KIF24: variants seen among roughly 807,000 people sequenced by gnomAD.
KIF24 encodes kinesin family member 24.
In KIF24, 81 loss-of-function variants were observed where a neutral mutation model predicts 118.9. The ratio of observed to expected loss-of-function variants is 0.68; its 90% CI spans 0.57 to 0.82. The LOEUF is 0.82. Ranked by LOEUF, KIF24 falls within the 40% of genes least tolerant of loss-of-function variation. The pLI is 0.00. For missense variants in KIF24, 1,560 were observed against 1,661.6 expected, an observed-to-expected ratio of 0.94 and a Z score of 1.06; for synonymous variants, 599 against 610.0, an observed-to-expected ratio of 0.98 and a Z score of 0.27.
Position 34,310,791 on chromosome 9 carries a change from T to A in KIF24, c.556A>T (p.Ile186Phe), listed in dbSNP as rs780076606. The A allele has an allele frequency of 7.4e-6, 12 of 1,611,580 alleles. No individual in the cohort carries two copies. The highest frequency in any genetic ancestry group is 1.0e-5 in the Non-Finnish European group (12 of 1,177,832). The change falls in exon 2 of 13, where the codon ATT becomes TTT. Residue 186 changes from isoleucine (I) to phenylalanine (F), a missense_variant. By Grantham distance (21) the Ile-to-Phe change is conservative. This residue lies in a region of KIF24 where 964 missense variants were observed against 988.0 expected (regional missense o/e 0.98). Coordinates refer to ENST00000402558, the MANE Select transcript of KIF24 (RefSeq NM_194313.4). The stretch of plus-strand genomic sequence containing the variant: ...TGAGAGATTCTTTGAATAATGGGAA[T>A]ATCACAATCCCCCAGTATTGCAGAA... The part of the protein sequence containing the change: ...YLSAILGDCD[I>F]PIIQRISHVS...
At chr9:34,300,808 G>A (rs1342704805) in intron 3 of KIF24, among the ~76,000 whole-genome samples, 2 of 126,654 alleles carry the variant, frequency 1.6e-5, no homozygotes, top group African/African-American at 6.2e-5. Context: ...AAACCCACTA[G>A]ATCTATAGTT....
rs1335165965 is a variant in KIF24 at position 34,257,678 on chromosome 9, A to C, written c.1929T>G (p.Ile643Met). ...SRGSPSQEWV[I>M]HASPVKGTVR... Reference sequence around the variant, plus strand: ...CAGTTCCTTTCACAGGGCTAGCATGAATGACCCACTCTTGTGAAGGACTCC... The same window carrying C: ...CAGTTCCTTTCACAGGGCTAGCATGCATGACCCACTCTTGTGAAGGACTCC... Residue 643 changes from isoleucine (I) to methionine (M), a missense_variant, in exon 11 of 13, where the codon ATT (isoleucine) becomes ATG (methionine). By Grantham distance (10) the Ile-to-Met change is conservative. Transcript: ENST00000402558. 6.2e-7 allele frequency: 1 copy of C among 1,614,012 alleles called. No individual in the cohort carries two copies. The highest frequency in any genetic ancestry group is 1.1e-5 in the South Asian group (1 of 91,088).
intron 1 of KIF24, among the ~76,000 whole-genome samples, chr9:34,313,731 G>C (rs1385947293): frequency 7.0e-6 from 1 of 142,038 alleles, no homozygotes; most frequent in African/African-American, 2.6e-5. Flanking sequence ...AGCTTCCCCC[G>C]TTATCTGTTT....
In KIF24 at chr9:34,290,506, T is replaced by C. The variant is rs886068272; in HGVS notation, c.912-117A>G. 13 of 609,896 alleles carry C rather than the reference T, an allele frequency of 2.1e-5. No homozygotes were observed. In the East Asian group the frequency reaches 3.0e-4, roughly 14 times the overall value. 37.8% of individuals were successfully genotyped at this position (609,896 alleles called of 1,614,324 possible). ...TAGAATCTTAGAGAAAATTCAGCTA[T>C]AAACACATAAACCTTTAAGGAGAAG... On this transcript the variant is annotated intron_variant, in intron 4 of 12. Transcript: ENST00000402558.
intron 6 of KIF24, among the ~76,000 whole-genome samples, 178 bp from the exon 7 acceptor site, chr9:34,272,108 C>T (rs2098619206): frequency 6.6e-6 from 1 of 152,160 alleles, no homozygotes; most frequent in Non-Finnish European, 1.5e-5. Flanking sequence ...TACCCAATGA[C>T]AATGAAAACA....
chr9:34,324,788 A>C (rs1182682783), intron 1 of KIF24, among the ~76,000 whole-genome samples: 3 of 152,058 alleles, frequency 2.0e-5, no homozygotes, highest in Non-Finnish European at 4.4e-5. Context: ...TTCTCTGTGC[A>C]TTCATTCACA....
rs1349976846 is a variant in KIF24, at chr9:34,318,823, G to A, written c.-25-7452C>T. ...GTCGCCTGTAGGGACCCAGCTCAGT[G>A]AGTTTCGCTGATGACTTCGTGCGCA... On this transcript the variant is annotated intron_variant, in intron 1 of 12. Transcript: ENST00000402558. This position sits in a 1 kb window ranked among gnomAD's most constrained non-coding sequence, Gnocchi z 4.9. The A allele has an allele frequency of 6.3e-7, 1 of 1,588,974 alleles. No individual in the cohort carries two copies. The highest frequency in any genetic ancestry group is 8.6e-7 in the Non-Finnish European group (1 of 1,158,922).
At chr9:34,322,351 C>A (rs1349783221) in intron 1 of KIF24, among the ~76,000 whole-genome samples, 1 of 152,020 alleles carries the variant, frequency 6.6e-6, no homozygotes, top group East Asian at 1.9e-4. Flanking sequence ...CCCATCTAGC[C>A]CTAGACAAAC....
upstream of KIF24, among the ~76,000 whole-genome samples, chr9:34,330,726 C>T (rs1468154605): frequency 6.6e-6 from 1 of 152,156 alleles, no homozygotes; most frequent in African/African-American, 2.4e-5. Flanking sequence ...CTTTGGGAGG[C>T]CGAGGCGGGC....
rs1469926205 is a variant in KIF24 at position 34,252,765 on chromosome 9, C to CCTGA, written c.*1611_*1614dup. 6.6e-6 allele frequency: 1 copy of CCTGA among 152,100 alleles called. No homozygotes were observed. The highest frequency in any genetic ancestry group is 1.5e-5 in the Non-Finnish European group (1 of 68,034). The allele number at this position is 152,100 out of a possible 1,614,324, so 9.4% of individuals were successfully genotyped here. A position where few individuals can be genotyped will look rare whatever the true frequency, so the allele number is the denominator to read the frequency against. On this transcript the variant is annotated 3_prime_UTR_variant, in exon 13 of 13. Transcript: ENST00000402558. ...TCTGTGGACCAAGGACGTAGGCCTT[C>CCTGA]CTGACTGTGGAGTTGGGATAGGCTG... is the stretch of plus-strand genomic sequence containing the variant.
intron 5 of KIF24, among the ~76,000 whole-genome samples, chr9:34,289,163 C>T (rs1230257352): frequency 6.6e-6 from 1 of 152,156 alleles, no homozygotes; most frequent in Non-Finnish European, 1.5e-5. Flanking sequence ...GTCCCCTTTT[C>T]ACTGGAATAG....
At chr9:34,278,163 C>G (rs1447350087) in intron 6 of KIF24, among the ~76,000 whole-genome samples, 1 of 152,056 alleles carries the variant, frequency 6.6e-6, no homozygotes, top group East Asian at 1.9e-4. Context: ...AATCCCAGCA[C>G]TTTGGGAGGC....
intron 7 of KIF24, among the ~76,000 whole-genome samples, chr9:34,270,977 C>T (rs991111969): frequency 6.6e-5 from 10 of 151,294 alleles, no homozygotes; most frequent in Non-Finnish European, 1.5e-4. Context: ...TACCTGTAGT[C>T]CCAGCTACTC....
chr9:34,271,822 T>A lies in KIF24; in HGVS notation c.1324A>T (p.Arg442Trp), dbSNP rs575114239. 3 of 1,613,236 alleles carry A rather than the reference T, an allele frequency of 1.9e-6. No individual in the cohort carries two copies. The highest frequency in any genetic ancestry group is 2.2e-5 in the South Asian group (2 of 90,774). ...TTTCCAGCTCACCTGCCAAATGTCC[T>A]CTTGGCTGAATCTTTGATCTGAATT... ...IQIQIKDSAK[R>W]TFGRISFIDL... The change falls in exon 7 of 13, where the codon AGG becomes TGG. Residue 442 changes from arginine (R) to tryptophan (W), a missense_variant. This residue lies in a region of KIF24 where 964 missense variants were observed against 988.0 expected (regional missense o/e 0.98). Coordinates refer to ENST00000402558, the MANE Select transcript of KIF24 (RefSeq NM_194313.4).
chr9:34,328,740 A>G (rs978237996), intron 1 of KIF24, among the ~76,000 whole-genome samples: 1 of 152,202 alleles, frequency 6.6e-6, no homozygotes, highest in African/African-American at 2.4e-5. Context: ...ATTTTATGGG[A>G]AAAGGGAAGC....
chr9:34,276,699 C>T (rs900428037), intron 6 of KIF24, among the ~76,000 whole-genome samples: 48 of 152,128 alleles, frequency 3.2e-4, no homozygotes, highest in African/African-American at 1.0e-3. Context: ...TAAATACACC[C>T]ATTTTGTAAA....
At chr9:34,314,077 C>A (rs1164505713) in intron 1 of KIF24, among the ~76,000 whole-genome samples, 3 of 151,764 alleles carry the variant, frequency 2.0e-5, no homozygotes, top group African/African-American at 7.3e-5. Context: ...CTGCGTACCA[C>A]ATTCCATTTT....
At chr9:34,299,928 T>C (rs1202237418) in intron 3 of KIF24, among the ~76,000 whole-genome samples, 1 of 151,920 alleles carries the variant, frequency 6.6e-6, no homozygotes, top group Non-Finnish European at 1.5e-5. Context: ...TGACAGTCCA[T>C]ACACCATGAA....
chr9:34,302,428 C>G (rs959649624), intron 3 of KIF24, among the ~76,000 whole-genome samples: 1 of 151,200 alleles, frequency 6.6e-6, no homozygotes, highest in Non-Finnish European at 1.5e-5. Context: ...CTCAGCCTCC[C>G]GAGTAGCTGA....
Sources: gnomAD v4.1 joint callset for allele counts (sites outside exome capture counted in the v4.1 genomes callset) on GRCh38, gnomAD v4.1.1 for gene constraint, gnomAD v4.1.1 regional missense constraint, Gnocchi (gnomAD v3.1) non-coding constraint, MANE v1.5 for transcripts, NCBI Gene and HGNC (gene_info 2026-07-23, HGNC 2026-07-21) for gene names.